LRRFIP1: variants seen among roughly 807,000 people sequenced by gnomAD.
The protein encoded by LRRFIP1 is leucine-rich repeat flightless-interacting protein 1.
In LRRFIP1, 62 loss-of-function variants were observed where a neutral mutation model predicts 104.4. The observed-to-expected ratio is 0.59, with a 90% confidence interval of 0.48 to 0.73. The LOEUF is 0.73. Among genes scored for constraint, LRRFIP1 ranks in the 30% least tolerant of loss-of-function variants. LRRFIP1 has a pLI of 0.00. For synonymous variants in LRRFIP1, 300 were observed against 299.0 expected (o/e 1.00, Z -0.03); for missense variants, 796 against 824.5 (o/e 0.97, Z 0.42).
chr2:237,684,808 CTGGTGCGGTGGCTCAGACCTGTAAT>C (rs1464983712), intron 1 of LRRFIP1, among the ~76,000 whole-genome samples: 1 of 151,892 alleles, frequency 6.6e-6, no homozygotes, highest in Non-Finnish European at 1.5e-5. Flanking sequence ...AAAATTGGGC[CTGGTGCGGTGGCTCAGACCTGTAAT>C]TCCAACACTT....
chr2:237,779,259 C>G, intron 23 of LRRFIP1, 163 bp from the exon 24 acceptor site: 1 of 758,948 alleles, frequency 1.3e-6, no homozygotes, highest in Non-Finnish European at 1.6e-6. Context: ...GGTGTTCCCT[C>G]TCTGGAGTCC....
At chr2:237,746,947 C>T (rs1231115775) in intron 11 of LRRFIP1, among the ~76,000 whole-genome samples, 1 of 152,252 alleles carries the variant, frequency 6.6e-6, no homozygotes, top group African/African-American at 2.4e-5. Flanking sequence ...CTGCATCCCA[C>T]TGGCCTGAGG....
At position 237,780,997 on chromosome 2, in the gene LRRFIP1, A is replaced by G. The variant is rs188846972; in HGVS notation, c.*1465A>G. Among the ~76,000 whole-genome samples, 18 of 152,176 alleles carry G rather than the reference A, an allele frequency of 1.2e-4. No individual in the cohort carries two copies. In the East Asian group the frequency reaches 3.5e-3, roughly 29 times the overall value. ...GAGCAAAATGTGCTGGCAGGTGGGC[A>G]CCACTGGGAGACCCACACTGCACAC... On this transcript the variant is annotated 3_prime_UTR_variant, in exon 24 of 24. Coordinates refer to ENST00000308482, the MANE Select transcript of LRRFIP1 (RefSeq NM_001137550.2).
chr2:237,710,150 C>G (rs2094000479), intron 2 of LRRFIP1, among the ~76,000 whole-genome samples: 2 of 152,168 alleles, frequency 1.3e-5, no homozygotes, highest in African/African-American at 4.8e-5. Flanking sequence ...CATCAGCCAC[C>G]ACACCTGGCT....
chr2:237,732,976 C>T (rs145745215), intron 8 of LRRFIP1, among the ~76,000 whole-genome samples: 3 of 152,170 alleles, frequency 2.0e-5, no homozygotes, highest in Non-Finnish European at 2.9e-5. Flanking sequence ...CCAAGGAAGT[C>T]GGTGTCAGAG....
rs2061367506 is a variant in LRRFIP1 at position 237,779,494 on chromosome 2, A to G, written c.1885A>G (p.Met629Val). ...NGHLVKRLEK[M>V]KANRSALLSQ... ...CCACTTAGTGAAGCGTCTGGAAAAA[A>G]TGAAAGCAAATCGGAGTGCACTCTT... The change falls in exon 24 of 24, where the codon ATG (methionine) becomes GTG (valine). Residue 629 changes from methionine to valine, a missense_variant. Physicochemically the swap from Met to Val is conservative, Grantham distance 21. Transcript: ENST00000308482. 4 of 1,613,662 alleles carry G rather than the reference A, an allele frequency of 2.5e-6. No homozygotes were observed. The highest frequency in any genetic ancestry group is 3.4e-6 in the Non-Finnish European group (4 of 1,179,730).
chr2:237,639,407 C>T (rs1235566518), intron 1 of LRRFIP1, among the ~76,000 whole-genome samples: 1 of 152,218 alleles, frequency 6.6e-6, no homozygotes, highest in African/African-American at 2.4e-5. Flanking sequence ...CCATTCTTGG[C>T]ATTGAGACAG....
intron 1 of LRRFIP1, among the ~76,000 whole-genome samples, chr2:237,671,690 A>T (rs2090361808): frequency 6.6e-6 from 1 of 151,750 alleles, no homozygotes; most frequent in Non-Finnish European, 1.5e-5. Flanking sequence ...CCTTCAGGAG[A>T]AGCTGGCCAG....
At chr2:237,738,501 T>C (rs1442506080) in intron 10 of LRRFIP1, among the ~76,000 whole-genome samples, 3 of 152,152 alleles carry the variant, frequency 2.0e-5, no homozygotes, top group Non-Finnish European at 2.9e-5. Flanking sequence ...GGATCCTAAA[T>C]AGTGTTCAAA....
At chr2:237,712,136 G>T (rs1358962624) in intron 2 of LRRFIP1, among the ~76,000 whole-genome samples, 1 of 152,192 alleles carries the variant, frequency 6.6e-6, no homozygotes, top group Admixed American at 6.5e-5. Context: ...CTGGTGACGG[G>T]CATCTTCCCA....
At chr2:237,662,963 C>T (rs1340205627) in intron 1 of LRRFIP1, among the ~76,000 whole-genome samples, 1 of 152,204 alleles carries the variant, frequency 6.6e-6, no homozygotes, top group Admixed American at 6.5e-5. Context: ...CCTTAATCTG[C>T]ATGCAATTAC....
intron 1 of LRRFIP1, among the ~76,000 whole-genome samples, chr2:237,667,878 G>A (rs1344554829): frequency 6.6e-6 from 1 of 151,970 alleles, no homozygotes; most frequent in African/African-American, 2.4e-5. Context: ...CCTCTCCCGG[G>A]TTCCTGGGCT....
chr2:237,731,706 A>G (rs868276816), intron 8 of LRRFIP1, among the ~76,000 whole-genome samples: 1 of 152,234 alleles, frequency 6.6e-6, no homozygotes, highest in Admixed American at 6.5e-5. Context: ...GGCAATAAAT[A>G]TCTCATCTTT....
In LRRFIP1 at chr2:237,766,874, T is replaced by C. The variant is rs1256378067; in HGVS notation, c.1460-3069T>C. 6.6e-6 allele frequency among the ~76,000 whole-genome samples: 1 copy of C among 152,156 alleles called. No homozygotes were observed. The highest frequency in any genetic ancestry group is 1.5e-5 in the Non-Finnish European group (1 of 68,028). On this transcript the variant is annotated intron_variant, in intron 19 of 23. Coordinates refer to ENST00000308482, the MANE Select transcript of LRRFIP1 (RefSeq NM_001137550.2). This position sits in a 1 kb window ranked among gnomAD's most constrained non-coding sequence, Gnocchi z 4.8. ...TATTACTGTGAAGGCCCTTAACTTA[T>C]CAAGAAATGGTTGAGGCCGGGCACA...
chr2:237,759,151 T>A (rs2059601555), intron 18 of LRRFIP1, among the ~76,000 whole-genome samples: 1 of 152,206 alleles, frequency 6.6e-6, no homozygotes, highest in African/African-American at 2.4e-5. Flanking sequence ...TGCCTCTTTA[T>A]ATTAAAACCC....
Position 237,711,797 on chromosome 2 carries a change from G to A in LRRFIP1, c.184-2462G>A, listed in dbSNP as rs557392034. Among the ~76,000 whole-genome samples the A allele has an allele frequency of 9.2e-5, 14 of 152,242 alleles. No individual in the cohort carries two copies. In the South Asian group the frequency reaches 2.9e-3, roughly 32 times the overall value. ...AGTGAAGCAGCTCTACCGGGGGGTG[G>A]GGAAGCCACTCCTTGTGGCAGCAGA... On this transcript the variant is annotated intron_variant, in intron 2 of 23. Transcript: ENST00000308482. This position sits in a 1 kb window ranked among gnomAD's most constrained non-coding sequence, Gnocchi z 4.4.
chr2:237,758,942 TTAA>T (rs2059582673), intron 18 of LRRFIP1, 121 bp downstream of exon 18: 4 of 618,564 alleles, frequency 6.5e-6, no homozygotes, highest in South Asian at 4.3e-5. Context: ...TTTAGTTCTG[TTAA>T]TAATTCATAT....
chr2:237,646,153 G>A (rs2084879356), intron 1 of LRRFIP1, among the ~76,000 whole-genome samples: 1 of 151,798 alleles, frequency 6.6e-6, no homozygotes, highest in South Asian at 2.1e-4. Context: ...ATTCTGATTA[G>A]TTCGCAGGAA....
intron 1 of LRRFIP1, among the ~76,000 whole-genome samples, chr2:237,641,109 A>T (rs192358305): frequency 1.1e-4 from 17 of 152,188 alleles, no homozygotes; most frequent in Admixed American, 3.3e-4. Context: ...ATTCTTTTAA[A>T]AAATGGTATT....
Sources: allele counts gnomAD v4.1 joint callset (sites outside exome capture counted in the v4.1 genomes callset), GRCh38; gene constraint gnomAD v4.1.1; non-coding constraint Gnocchi (gnomAD v3.1); transcripts MANE v1.5; gene names NCBI Gene and HGNC (gene_info 2026-07-23, HGNC 2026-07-21).